CASP1: variants seen among roughly 807,000 people sequenced by gnomAD.
The protein encoded by CASP1 is caspase-1.
A neutral mutation model predicts 41.2 loss-of-function variants in CASP1; 31 were observed. The ratio of observed to expected loss-of-function variants is 0.75; its 90% CI spans 0.57 to 1.02. The LOEUF is 1.02. CASP1 is among the 50% of genes least tolerant of loss of function. CASP1 has a pLI of 0.00. For missense variants in CASP1, 490 were observed against 495.7 expected (o/e 0.99, Z 0.11); for synonymous variants, 163 against 166.5 (o/e 0.98, Z 0.16).
chr11:105,027,652 C>T (rs560880), intron 7 of CASP1, among the ~76,000 whole-genome samples: 1 of 152,018 alleles, frequency 6.6e-6, no homozygotes, highest in African/African-American at 2.4e-5. Context: ...TTAGCCAGTT[C>T]TAATGGTCAT....
chr11:105,029,555 T>C, intron 6 of CASP1, 110 bp downstream of exon 6: 3 of 736,100 alleles, frequency 4.1e-6, no homozygotes, highest in Non-Finnish European at 6.9e-6. Context: ...ACTGACAGTA[T>C]GTGTTCTTTG....
upstream of CASP1, chr11:105,035,288 G>T: frequency 1.1e-6 from 1 of 880,728 alleles, no homozygotes; most frequent in African/African-American, 1.7e-5. Context: ...GTGTATCCAT[G>T]GGAAATTTTC....
chr11:105,029,053 C>G, intron 7 of CASP1, 71 bp downstream of exon 7: 1 of 1,427,002 alleles, frequency 7.0e-7, no homozygotes, highest in East Asian at 2.3e-5. Flanking sequence ...TTAATCACCA[C>G]CTCTAGTGGG....
At chr11:105,029,018 C>T (rs1206474745) in intron 7 of CASP1, 106 bp downstream of exon 7, 1 of 1,061,134 alleles carries the variant, frequency 9.4e-7, no homozygotes, top group African/African-American at 1.6e-5. Context: ...TAACTTGGAA[C>T]AAAGCTTGAG....
rs564568441 is a variant in CASP1 at position 105,031,232 on chromosome 11, G to A, written c.386C>T (p.Ser129Leu). 3 of 1,612,970 alleles carry A rather than the reference G, an allele frequency of 1.9e-6. No homozygotes were observed. Among genetic ancestry groups the A allele is most frequent in the East Asian group, 2.2e-5 (1 of 44,866 alleles). ...DNPAMPTSSG[S>L]EGNVKLCSLE... The stretch of plus-strand genomic sequence containing the variant: ...GGAGCAAAGCTTGACATTCCCTTCT[G>A]AGCCTGAGGATGTGGGCATAGCTGG... Residue 129 changes from serine to leucine, a missense_variant, in exon 4 of 9, where the codon TCA (serine) becomes TTA (leucine). Ser to Leu is a moderately radical substitution (Grantham distance 145, BLOSUM62 -2). Coordinates refer to ENST00000533400, the MANE Select transcript of CASP1 (RefSeq NM_001257118.3).
chr11:105,035,618 G>GTTTTTTTTTTTTTTTTTTTTTTTTTTTTT (rs56746743), upstream of CASP1, among the ~76,000 whole-genome samples: 4 of 103,438 alleles, frequency 3.9e-5, no homozygotes, highest in African/African-American at 1.1e-4. Context: ...TTTTCTTTCT[G>GTTTTTTTTTTTTTTTTTTTTTTTTTTTTT]TTTTTTTTTT....
rs763711195 is a variant in CASP1 at position 105,031,270 on chromosome 11, T to C, written c.348A>G (p.Ala116=). The change falls in exon 4 of 9, where the codon GCA becomes GCG. Residue 116 remains alanine (A), a synonymous_variant. Transcript: ENST00000533400. ...GVLSSFPAPQ[A]VQDNPAMPTS... ...TGGGCATAGCTGGGTTGTCCTGCAC[T>C]GCCTGAGGAGCTGCAAGAGACAAAG... The C allele has an allele frequency of 1.3e-6, 2 of 1,597,268 alleles. No individual in the cohort carries two copies.
In CASP1 at chr11:105,030,383, G is replaced by C. The variant is rs755812705; in HGVS notation, c.574C>G (p.Leu192Val). Residue 192 changes from leucine (L) to valine (V), a missense_variant, in exon 5 of 9, where the codon CTG (leucine) becomes GTG (valine). Leu to Val is a conservative substitution (Grantham distance 32). Coordinates refer to ENST00000533400, the MANE Select transcript of CASP1 (RefSeq NM_001257118.3). The stretch of plus-strand genomic sequence containing the variant: ...ACGCTGTACCCCAGATTTTGTAGCA[G>C]CATTGTCATGCCTGTGATGTCAACC... ...AEVDITGMTM[L>V]LQNLGYSVDV... 1 of 1,613,564 alleles carries C rather than the reference G, an allele frequency of 6.2e-7. No individual in the cohort carries two copies. The highest frequency in any genetic ancestry group is 1.1e-5 in the South Asian group (1 of 91,064).
intron 7 of CASP1, 166 bp from the exon 8 acceptor site, chr11:105,027,117 G>T: frequency 1.5e-6 from 1 of 667,326 alleles, no homozygotes. Context: ...ATTTGGAAAT[G>T]AAATATCTAA....
chr11:105,030,219 T>C, intron 5 of CASP1, 111 bp downstream of exon 5: 1 of 938,000 alleles, frequency 1.1e-6, no homozygotes, highest in Non-Finnish European at 1.6e-6. Flanking sequence ...GGCAAGTTTG[T>C]ATTTTAGATT....
Position 105,026,197 on chromosome 11 carries a change from T to C in CASP1, c.*61A>G. ...GACTTTCAGTACCCTTTCCTCAACC[T>C]TCCCACACTCCCGACCATACACATG... On this transcript the variant is annotated 3_prime_UTR_variant, in exon 9 of 9. Coordinates refer to ENST00000533400, the MANE Select transcript of CASP1 (RefSeq NM_001257118.3). The C allele has an allele frequency of 9.2e-7, 1 of 1,091,840 alleles. No homozygotes were observed. The highest frequency in any genetic ancestry group is 1.4e-6 in the Non-Finnish European group (1 of 712,830). The allele number at this position is 1,091,840 out of a possible 1,614,324, so 67.6% of individuals were successfully genotyped here. A position where few individuals can be genotyped will look rare whatever the true frequency, so the allele number is the denominator to read the frequency against.
At chr11:105,033,229 G>T in intron 2 of CASP1, 103 bp from the exon 3 acceptor site, 1 of 607,876 alleles carries the variant, frequency 1.6e-6, no homozygotes, top group South Asian at 1.9e-5. Flanking sequence ...CCATAACACT[G>T]ACTGACTGAC....
rs2134834131 is a variant in CASP1, at chr11:105,030,397, G to A, written c.560C>T (p.Thr187Ile). Residue 187 changes from threonine to isoleucine, a missense_variant, in exon 5 of 9, where the codon ACA (threonine) becomes ATA (isoleucine). Thr to Ile is a moderately conservative substitution (Grantham distance 89). Transcript: ENST00000533400. ...PRRTGAEVDI[T>I]GMTMLLQNLG... Reference sequence around the variant, plus strand: ...ATTTTGTAGCAGCATTGTCATGCCTGTGATGTCAACCTCAGCTCCAGTTCT... The same window carrying A: ...ATTTTGTAGCAGCATTGTCATGCCTATGATGTCAACCTCAGCTCCAGTTCT... 2 of 1,613,682 alleles carry A rather than the reference G, an allele frequency of 1.2e-6. No individual in the cohort carries two copies. The highest frequency in any genetic ancestry group is 8.5e-7 in the Non-Finnish European group (1 of 1,179,718).
At chr11:105,033,811 T>G (rs1266006515) in intron 2 of CASP1, 2 of 493,840 alleles carry the variant, frequency 4.0e-6, no homozygotes, top group Non-Finnish European at 7.7e-6. Context: ...TATTTGATTA[T>G]AAACCTTAAA....
At chr11:105,031,039 G>T in intron 4 of CASP1, 126 bp downstream of exon 4, 1 of 633,870 alleles carries the variant, frequency 1.6e-6, no homozygotes, top group Non-Finnish European at 2.9e-6. Flanking sequence ...TTTATGTAAG[G>T]GGAGCAGAAG....
Position 105,026,143 on chromosome 11 carries a change from C to T in CASP1, c.*115G>A. The T allele has an allele frequency of 1.6e-6, 1 of 631,232 alleles. No individual in the cohort carries two copies. The highest frequency in any genetic ancestry group is 2.2e-5 in the South Asian group (1 of 45,788). 39.1% of individuals were successfully genotyped at this position (631,232 alleles called of 1,614,324 possible). ...AATTTTTGGATTAAGGATTCTCAGC[C>T]TGTAAACCTAGAGTTCTTGACTCAA... is the stretch of plus-strand genomic sequence containing the variant. On this transcript the variant is annotated 3_prime_UTR_variant, in exon 9 of 9. Coordinates refer to ENST00000533400, the MANE Select transcript of CASP1 (RefSeq NM_001257118.3).
chr11:105,032,963 T>G, intron 3 of CASP1, 101 bp downstream of exon 3: 1 of 721,644 alleles, frequency 1.4e-6, no homozygotes, highest in Non-Finnish European at 2.4e-6. Flanking sequence ...GACCAATCTA[T>G]GAGAATTCTC....
chr11:105,035,182 C>G (rs1416309562), upstream of CASP1: 1 of 1,595,188 alleles, frequency 6.3e-7, no homozygotes, highest in Non-Finnish European at 8.6e-7. Flanking sequence ...TTTGGCAGGG[C>G]CTGTACATGT....
Position 105,031,002 on chromosome 11 carries a change from A to G in CASP1, c.453+163T>C. The stretch of plus-strand genomic sequence containing the variant: ...ATCCAATTTGGACCTCTTTCTATAA[A>G]CCTGGGATTCTAGGATATAGAAATC... On this transcript the variant is annotated intron_variant, in intron 4 of 8. Transcript: ENST00000533400. 4 of 575,928 alleles carry G rather than the reference A, an allele frequency of 6.9e-6. No homozygotes were observed. The Middle Eastern group carries it at 8.2e-4, about 118-fold the overall frequency. 35.7% of individuals were successfully genotyped at this position (575,928 alleles called of 1,614,324 possible).
Sources: gnomAD v4.1 joint callset for allele counts (sites outside exome capture counted in the v4.1 genomes callset) on GRCh38, gnomAD v4.1.1 for gene constraint, MANE v1.5 for transcripts, NCBI Gene and HGNC (gene_info 2026-07-23, HGNC 2026-07-21) for gene names.